Variants in PAX2 observed in about 807,000 individuals in gnomAD.
The protein encoded by PAX2 is paired box protein Pax-2.
PAX2 carries 9 observed loss-of-function variants against 41.7 expected under a neutral mutation model. The ratio of observed to expected loss-of-function variants is 0.22; its 90% CI spans 0.13 to 0.38. The LOEUF (loss-of-function observed/expected upper bound fraction) is 0.38. PAX2 is among the 10% of genes least tolerant of loss of function. The pLI, the probability that PAX2 is intolerant of heterozygous loss-of-function variation, is 1.00. For missense variants in PAX2, 418 were observed against 531.6 expected, an observed-to-expected ratio of 0.79 and a Z score of 2.10; for synonymous variants, 221 against 212.7, an observed-to-expected ratio of 1.04 and a Z score of -0.34.
intron 1 of PAX2, chr10:100,747,583 G>A (rs1357831744): frequency 1.3e-5 from 13 of 982,962 alleles, no homozygotes; most frequent in Non-Finnish European, 1.6e-5. Flanking sequence ...CTTTAGACCC[G>A]GCTTGGACCT....
chr10:100,736,748 G>A (rs1564699316), intron 1 of PAX2, among the ~76,000 whole-genome samples: 1 of 152,168 alleles, frequency 6.6e-6, no homozygotes, highest in Non-Finnish European at 1.5e-5. Flanking sequence ...ACCCCCGGGA[G>A]TGTCAACTGT....
intron 3 of PAX2, among the ~76,000 whole-genome samples, chr10:100,775,607 T>C (rs1159115122): frequency 6.6e-6 from 1 of 152,146 alleles, no homozygotes; most frequent in African/African-American, 2.4e-5. Context: ...GGTCAGAGGC[T>C]CTGGGTAACA....
chr10:100,781,162 T>G, intron 4 of PAX2, 84 bp from the exon 5 acceptor site: 1 of 1,378,622 alleles, frequency 7.3e-7, no homozygotes, highest in Non-Finnish European at 1.0e-6. Context: ...TGCTTCTCTC[T>G]GCCCCCCAGC....
At chr10:100,754,729 T>C (rs1003246481) in intron 3 of PAX2, among the ~76,000 whole-genome samples, 5 of 152,202 alleles carry the variant, frequency 3.3e-5, no homozygotes, top group African/African-American at 1.2e-4. Context: ...CCCGTGAATG[T>C]TGAAGATATG....
In PAX2 at chr10:100,809,241, G is replaced by C; in HGVS notation, c.919+5G>C. 1 of 1,613,024 alleles carries C rather than the reference G, an allele frequency of 6.2e-7. No individual in the cohort carries two copies. On this transcript the variant is annotated splice_donor_5th_base_variant and intron_variant, in intron 7 of 9. Transcript: ENST00000355243. ...AGACATACCCAGTTGTGACTGGTAA[G>C]GGGGCTTCCAGGAGGGTGGGGGCAC...
At chr10:100,744,000 A>G (rs2133818733), upstream of PAX2, among the ~76,000 whole-genome samples, 1 of 152,308 alleles carries the variant, frequency 6.6e-6, no homozygotes, top group East Asian at 1.9e-4. Context: ...CAGCGGACCC[A>G]GGCCCCACAG....
intron 3 of PAX2, 137 bp from the exon 4 acceptor site, chr10:100,779,361 G>A (rs1176263162): frequency 2.6e-6 from 2 of 782,568 alleles, no homozygotes; most frequent in Non-Finnish European, 2.2e-6. Flanking sequence ...CAGTCAGTGA[G>A]GGCAGGGACA....
chr10:100,811,859 T>C (rs1848001123), intron 7 of PAX2, among the ~76,000 whole-genome samples: 2 of 152,192 alleles, frequency 1.3e-5, no homozygotes, highest in African/African-American at 4.8e-5. Context: ...GCTCATCTTC[T>C]TCCCCAGGAC....
exon 1 of PAX2, chr10:100,735,477 G>C: frequency 4.2e-6 from 1 of 238,044 alleles, no homozygotes; most frequent in Non-Finnish European, 8.1e-6. Flanking sequence ...GGAGAACCCG[G>C]GCTCCTCGGG....
chr10:100,825,962 G>A (rs1316077685), intron 8 of PAX2, among the ~76,000 whole-genome samples: 1 of 151,616 alleles, frequency 6.6e-6, no homozygotes, highest in Non-Finnish European at 1.5e-5. Context: ...GAAGAGTGGG[G>A]AGGTGGGGGC....
chr10:100,769,944 G>C (rs943003492), intron 3 of PAX2, among the ~76,000 whole-genome samples: 1 of 152,150 alleles, frequency 6.6e-6, no homozygotes, highest in Non-Finnish European at 1.5e-5. Context: ...AAATAGATTG[G>C]AAAGCTAGGA....
chr10:100,776,337 C>T (rs953800913), intron 3 of PAX2, among the ~76,000 whole-genome samples: 37 of 152,196 alleles, frequency 2.4e-4, no homozygotes, highest in Non-Finnish European at 4.7e-4. Flanking sequence ...CTAATGGCTA[C>T]CAGAATCCCA....
chr10:100,811,998 A>G (rs1848005368), intron 7 of PAX2, among the ~76,000 whole-genome samples: 1 of 152,194 alleles, frequency 6.6e-6, no homozygotes, highest in African/African-American at 2.4e-5. Flanking sequence ...CAGCCACTTG[A>G]TGCAGCTATT....
chr10:100,816,226 C>A (rs1223523759), intron 7 of PAX2, among the ~76,000 whole-genome samples: 3 of 152,202 alleles, frequency 2.0e-5, no homozygotes, highest in African/African-American at 7.2e-5. Flanking sequence ...AAGTGCATAA[C>A]AATAGCCAAC....
chr10:100,756,311 T>C (rs969748864), intron 3 of PAX2, among the ~76,000 whole-genome samples: 1 of 152,170 alleles, frequency 6.6e-6, no homozygotes, highest in African/African-American at 2.4e-5. Flanking sequence ...TGTCCAACAA[T>C]AGCTACTCTG....
In PAX2 at chr10:100,786,843, A is replaced by AG. The variant is rs528171344; in HGVS notation, c.616+5482dup. ...GCTCAGAACCCTTGTAGCCCTTAGAAGGGGAGTCTGGTCTCCCGATCTTGG... is the reference window on the plus strand; with the variant it reads ...GCTCAGAACCCTTGTAGCCCTTAGAAGGGGGAGTCTGGTCTCCCGATCTTGG... On this transcript the variant is annotated intron_variant, in intron 5 of 9. Transcript: ENST00000355243. The AG allele has an allele frequency of 1.8e-3, 1,120 of 611,964 alleles. 11 individuals are homozygous for AG. In the African/African-American group the frequency reaches 0.019, roughly 10 times the overall value. The allele number at this position is 611,964 out of a possible 1,614,324, so 37.9% of individuals were successfully genotyped here. A position where few individuals can be genotyped will look rare whatever the true frequency, so the allele number is the denominator to read the frequency against.
At chr10:100,755,235 C>T (rs954098940) in intron 3 of PAX2, among the ~76,000 whole-genome samples, 1 of 152,202 alleles carries the variant, frequency 6.6e-6, no homozygotes. Context: ...GGCTTCCTGG[C>T]CCACAGTCCT....
At chr10:100,815,636 G>A (rs1482985208) in intron 7 of PAX2, among the ~76,000 whole-genome samples, 3 of 152,166 alleles carry the variant, frequency 2.0e-5, no homozygotes, top group Admixed American at 6.5e-5. Flanking sequence ...GGCTGCTCTC[G>A]GCCTGCAGCC....
chr10:100,769,677 TA>T (rs1424077909), intron 3 of PAX2, among the ~76,000 whole-genome samples: 10 of 135,504 alleles, frequency 7.4e-5, no homozygotes, highest in South Asian at 2.3e-4. Context: ...AATAAAAAAA[TA>T]AAAAACAAAA....
Sources: gnomAD v4.1 joint callset for allele counts (sites outside exome capture counted in the v4.1 genomes callset) on GRCh38, gnomAD v4.1.1 for gene constraint, MANE v1.5 for transcripts, NCBI Gene and HGNC (gene_info 2026-07-23, HGNC 2026-07-21) for gene names.